AFG2A: variants seen among roughly 807,000 people sequenced by gnomAD.
The protein encoded by AFG2A is AAA ATPase AFG2A, also known as ATPase family gene 2 protein homolog A.
the AFG2A span, among the ~76,000 whole-genome samples, chr4:123,019,135 A>G: frequency 2.0e-5 from 3 of 152,172 alleles, no homozygotes; most frequent in Non-Finnish European, 4.4e-5. Flanking sequence ...TTAATTTAAC[A>G]TATGCTCTCC....
At chr4:122,981,427 A>T in the AFG2A span, among the ~76,000 whole-genome samples, 1 of 144,150 alleles carries the variant, frequency 6.9e-6, no homozygotes, top group Admixed American at 6.9e-5. Context: ...ATAGCTTTGT[A>T]GTATATTTTG....
At chr4:123,031,134 G>T in the AFG2A span, among the ~76,000 whole-genome samples, 1 of 152,110 alleles carries the variant, frequency 6.6e-6, no homozygotes, top group Non-Finnish European at 1.5e-5. Flanking sequence ...TGGAGCCAAA[G>T]AAGTTGGGAA....
chr4:123,119,660 G>C, the AFG2A span, among the ~76,000 whole-genome samples: 4 of 152,174 alleles, frequency 2.6e-5, no homozygotes, highest in African/African-American at 9.7e-5. Flanking sequence ...CTTTAGACCA[G>C]TTATAATGAT....
the AFG2A span, among the ~76,000 whole-genome samples, chr4:123,298,301 T>G: frequency 6.6e-6 from 1 of 152,178 alleles, no homozygotes; most frequent in Non-Finnish European, 1.5e-5. Context: ...CTGTTCCTGG[T>G]CATGTGAAGC....
the AFG2A span, among the ~76,000 whole-genome samples, chr4:123,074,409 A>T: frequency 1.5e-4 from 22 of 142,192 alleles, no homozygotes; most frequent in Middle Eastern, 4.0e-3. Context: ...TGGATTACAT[A>T]TGTCTTTTGC....
the AFG2A span, among the ~76,000 whole-genome samples, chr4:122,998,594 G>A: frequency 6.6e-6 from 1 of 152,068 alleles, no homozygotes; most frequent in East Asian, 1.9e-4. Context: ...AGTTTACTGA[G>A]AATGATGATT....
chr4:122,967,998 T>C, the AFG2A span, among the ~76,000 whole-genome samples: 1 of 152,092 alleles, frequency 6.6e-6, no homozygotes, highest in Non-Finnish European at 1.5e-5. Context: ...TTAATAGACT[T>C]TTTTTAGAGC....
the AFG2A span, among the ~76,000 whole-genome samples, chr4:123,287,062 G>A: frequency 3.9e-5 from 6 of 152,036 alleles, no homozygotes; most frequent in Admixed American, 3.9e-4. Flanking sequence ...CACCTCTACC[G>A]GCAGGCCCCT....
At chr4:123,134,840 G>C in the AFG2A span, among the ~76,000 whole-genome samples, 3 of 151,920 alleles carry the variant, frequency 2.0e-5, no homozygotes, top group Non-Finnish European at 4.4e-5. Flanking sequence ...TTTAAAGAAG[G>C]GCTAATACTA....
chr4:123,027,960 C>A, the AFG2A span, among the ~76,000 whole-genome samples: 1 of 77,996 alleles, frequency 1.3e-5, no homozygotes, highest in African/African-American at 5.2e-5. Context: ...ATGAGACTTA[C>A]AAGCAGAATT....
At chr4:123,095,879 CAAG>C in the AFG2A span, among the ~76,000 whole-genome samples, 3 of 152,082 alleles carry the variant, frequency 2.0e-5, no homozygotes, top group Non-Finnish European at 4.4e-5. Context: ...TATGTTAAAA[CAAG>C]GAGAATTCCT....
At chr4:123,309,153 C>A in the AFG2A span, among the ~76,000 whole-genome samples, 2 of 152,176 alleles carry the variant, frequency 1.3e-5, no homozygotes, top group Admixed American at 6.5e-5. Context: ...AGATATTCTG[C>A]CAGAAATAGG....
chr4:123,305,115 A>G, the AFG2A span, among the ~76,000 whole-genome samples: 1 of 152,262 alleles, frequency 6.6e-6, no homozygotes, highest in African/African-American at 2.4e-5. Context: ...CATTTTCTCC[A>G]CAGATCCAAG....
chr4:122,967,011 A>G, the AFG2A span, among the ~76,000 whole-genome samples: 4 of 152,350 alleles, frequency 2.6e-5, no homozygotes, highest in African/African-American at 9.6e-5. Flanking sequence ...TTATGATATA[A>G]TAATACTTTA....
At chr4:122,945,935 G>T in the AFG2A span, among the ~76,000 whole-genome samples, 11 of 152,222 alleles carry the variant, frequency 7.2e-5, no homozygotes, top group Non-Finnish European at 1.6e-4. Flanking sequence ...CCTGGTGGAG[G>T]CTGCCTGACT....
At chr4:123,181,421 C>T in the AFG2A span, among the ~76,000 whole-genome samples, 1 of 151,926 alleles carries the variant, frequency 6.6e-6, no homozygotes, top group African/African-American at 2.4e-5. Context: ...AGACCAGCCT[C>T]GGCAACATGG....
At chr4:122,951,438 A>ACACACT in the AFG2A span, among the ~76,000 whole-genome samples, 1 of 146,618 alleles carries the variant, frequency 6.8e-6, no homozygotes, top group Non-Finnish European at 1.5e-5. Flanking sequence ...CAAAGTACAC[A>ACACACT]CACACACACA....
the AFG2A span, among the ~76,000 whole-genome samples, chr4:123,180,403 C>T: frequency 6.6e-6 from 1 of 152,120 alleles, no homozygotes; most frequent in Non-Finnish European, 1.5e-5. Context: ...TTGTGGTTGA[C>T]ACTGTAGTGG....
chr4:123,225,019 G>T, the AFG2A span, among the ~76,000 whole-genome samples: 1 of 152,214 alleles, frequency 6.6e-6, no homozygotes. Flanking sequence ...CTTTTGAGAA[G>T]TGTCTGTTCA....
Sources: gnomAD v4.1 joint callset for allele counts (sites outside exome capture counted in the v4.1 genomes callset) on GRCh38, gnomAD v4.1.1 for gene constraint, MANE v1.5 for transcripts, NCBI Gene and HGNC (gene_info 2026-07-23, HGNC 2026-07-21) for gene names.